Variants in PCDHGB2 observed in about 807,000 individuals in gnomAD.
PCDHGB2 encodes protocadherin gamma subfamily B, 2.
PCDHGB2 carries 55 observed loss-of-function variants against 59.3 expected under a neutral mutation model. That is an observed-to-expected ratio of 0.93 (90% confidence interval 0.75 to 1.16). PCDHGB2 has a LOEUF of 1.16. Ranked by LOEUF, PCDHGB2 falls within the 50% of genes most tolerant of loss-of-function variation. The pLI is 0.00. For synonymous variants in PCDHGB2, 516 were observed against 512.0 expected (o/e 1.01, Z -0.11); for missense variants, 1,228 against 1,198.5 (o/e 1.02, Z -0.36).
chr5:141,491,646 G>T lies in PCDHGB2; in HGVS notation c.2422-3161G>T. On this transcript the variant is annotated intron_variant, in intron 1 of 3. Transcript: ENST00000522605. The surrounding 1 kb of genome is among the most constrained non-coding windows in gnomAD (Gnocchi z 6.9). ...GCGTTCAGCAGCCCACAGCTCTGGC[G>T]CTGGAGCCTGACGCCATCCGGTCCC... is the stretch of plus-strand genomic sequence containing the variant. 1 of 1,613,872 alleles carries T rather than the reference G, an allele frequency of 6.2e-7. No individual in the cohort carries two copies. The highest frequency in any genetic ancestry group is 8.5e-7 in the Non-Finnish European group (1 of 1,180,030).
rs770619389 is a variant in PCDHGB2 at position 141,490,764 on chromosome 5, T to C, written c.2422-4043T>C. On this transcript the variant is annotated intron_variant, in intron 1 of 3. Coordinates refer to ENST00000522605, the MANE Select transcript of PCDHGB2 (RefSeq NM_018923.3). The surrounding 1 kb of genome is among the most constrained non-coding windows in gnomAD (Gnocchi z 5.4). ...GAGCCCCAGCCTCCTCCTTTGTGTA[T>C]GTCAACCCAGAGGATGGACGGATCT... is the stretch of plus-strand genomic sequence containing the variant. 22 of 1,613,970 alleles carry C rather than the reference T, an allele frequency of 1.4e-5. No individual in the cohort carries two copies. Among genetic ancestry groups the C allele is most frequent in the Non-Finnish European group, 1.6e-5 (19 of 1,179,928 alleles).
In PCDHGB2 at chr5:141,454,516, C is replaced by T. The variant is rs375583922; in HGVS notation, c.2422-40291C>T. On this transcript the variant is annotated intron_variant, in intron 1 of 3. Coordinates refer to ENST00000522605, the MANE Select transcript of PCDHGB2 (RefSeq NM_018923.3). Reference sequence around the variant, plus strand: ...CCACCTCCTGGATTCAGGCAGTTCTCCTGCCTCAGCCTCCCAAGTAGCTGA... The same window carrying T: ...CCACCTCCTGGATTCAGGCAGTTCTTCTGCCTCAGCCTCCCAAGTAGCTGA... Among the ~76,000 whole-genome samples the T allele has an allele frequency of 1.2e-4, 18 of 152,288 alleles. No individual in the cohort carries two copies. In the East Asian group the frequency reaches 3.1e-3, roughly 26 times the overall value.
intron 1 of PCDHGB2, chr5:141,389,882 G>A: frequency 6.2e-7 from 1 of 1,614,082 alleles, no homozygotes; most frequent in Non-Finnish European, 8.5e-7. Flanking sequence ...CCGACAGCTT[G>A]CAGGAGGTGC....
At chr5:141,364,497 C>T (rs768698440) in intron 1 of PCDHGB2, 1 of 1,614,016 alleles carries the variant, frequency 6.2e-7, no homozygotes. Flanking sequence ...GGGCTGGAGC[C>T]CCAGGAGCTG....
At position 141,404,170 on chromosome 5, in the gene PCDHGB2, G is replaced by C. The variant is rs73279089; in HGVS notation, c.2421+41614G>C. Reference sequence around the variant, plus strand: ...AAGAAGATTATTACAGATTGTTGACGGCCCAAATTCTTGACCGAGAAAAAG... The same window carrying C: ...AAGAAGATTATTACAGATTGTTGACCGCCCAAATTCTTGACCGAGAAAAAG... On this transcript the variant is annotated intron_variant, in intron 1 of 3. Coordinates refer to ENST00000522605, the MANE Select transcript of PCDHGB2 (RefSeq NM_018923.3). The C allele has an allele frequency of 1.5e-3, 2,365 of 1,612,738 alleles. 32 individuals are homozygous for C. In the African/African-American group the frequency reaches 0.028, roughly 19 times the overall value.
rs779287151 is a variant in PCDHGB2, at chr5:141,384,468, G to A, written c.2421+21912G>A. 8.7e-6 allele frequency: 14 copies of A among 1,613,988 alleles called. No homozygotes were observed. The Admixed American group carries it at 2.0e-4, about 23-fold the overall frequency. On this transcript the variant is annotated intron_variant, in intron 1 of 3. Coordinates refer to ENST00000522605, the MANE Select transcript of PCDHGB2 (RefSeq NM_018923.3). ...ACGCGCTGCAATCCTTTGATTATGA[G>A]CAGTTGAGAGAACTACAACTAAGAG...
At chr5:141,473,212 C>G (rs1311953997) in intron 1 of PCDHGB2, among the ~76,000 whole-genome samples, 1 of 152,012 alleles carries the variant, frequency 6.6e-6, no homozygotes, top group Non-Finnish European at 1.5e-5. Flanking sequence ...AAAATGCTTA[C>G]TTCCAGGGAG....
At chr5:141,411,951 G>A (rs1589812278) in intron 1 of PCDHGB2, 1 of 152,252 alleles carries the variant, frequency 6.6e-6, no homozygotes, top group African/African-American at 2.4e-5. Context: ...GATTTTTGAA[G>A]AAAAAAGATA....
At chr5:141,390,462 A>C in intron 1 of PCDHGB2, 1 of 732,308 alleles carries the variant, frequency 1.4e-6, no homozygotes, top group South Asian at 2.0e-5. Context: ...AAGTAGGAGC[A>C]ATTGTGTGGC....
At chr5:141,422,171 T>C (rs1204753893) in intron 1 of PCDHGB2, 4 of 1,564,922 alleles carry the variant, frequency 2.6e-6, no homozygotes, top group Non-Finnish European at 3.4e-6. Context: ...AAATATAGAT[T>C]CTATGAGATG....
chr5:141,465,519 T>C (rs2099104752), intron 1 of PCDHGB2, among the ~76,000 whole-genome samples: 1 of 152,224 alleles, frequency 6.6e-6, no homozygotes, highest in East Asian at 1.9e-4. Context: ...GGAAGGATTC[T>C]GGGGAAGTTT....
intron 1 of PCDHGB2, among the ~76,000 whole-genome samples, chr5:141,462,125 A>AT (rs1561991410): frequency 6.6e-6 from 1 of 151,688 alleles, no homozygotes; most frequent in African/African-American, 2.4e-5. Context: ...ACCCAGTCCA[A>AT]TTTTTTGTAT....
Position 141,489,510 on chromosome 5 carries a change from T to A in PCDHGB2, c.2422-5297T>A, listed in dbSNP as rs762210983. 1 of 1,614,124 alleles carries A rather than the reference T, an allele frequency of 6.2e-7. No individual in the cohort carries two copies. The highest frequency in any genetic ancestry group is 1.7e-5 in the Admixed American group (1 of 60,022). On this transcript the variant is annotated intron_variant, in intron 1 of 3. Transcript: ENST00000522605. This position sits in a 1 kb window ranked among gnomAD's most constrained non-coding sequence, Gnocchi z 4.5. Reference sequence around the variant, plus strand: ...GTGCCCTGGCAGTGAATCAAAAGATTGACCGAGAAAGCCTATGTGGAGCCA... The same window carrying A: ...GTGCCCTGGCAGTGAATCAAAAGATAGACCGAGAAAGCCTATGTGGAGCCA...
Position 141,486,639 on chromosome 5 carries a change from T to G in PCDHGB2, c.2422-8168T>G, listed in dbSNP as rs1250700423. ...GACCCAGACTCTGGCTTGAATGCGC[T>G]TATCTCCTACTCACTCCTGGAGCCC... On this transcript the variant is annotated intron_variant, in intron 1 of 3. Transcript: ENST00000522605. The surrounding 1 kb of genome is among the most constrained non-coding windows in gnomAD (Gnocchi z 5.0). The G allele has an allele frequency of 6.2e-7, 1 of 1,613,818 alleles. No individual in the cohort carries two copies. The highest frequency in any genetic ancestry group is 1.1e-5 in the South Asian group (1 of 91,084).
At chr5:141,427,869 AC>A in intron 1 of PCDHGB2, 1 of 1,559,604 alleles carries the variant, frequency 6.4e-7, no homozygotes, top group Non-Finnish European at 8.8e-7. Context: ...CTTCGAGCTC[AC>A]GATGCAGGCC....
chr5:141,466,819 C>A (rs2099130454), intron 1 of PCDHGB2, among the ~76,000 whole-genome samples: 1 of 152,068 alleles, frequency 6.6e-6, no homozygotes, highest in Non-Finnish European at 1.5e-5. Context: ...CATGGTATAA[C>A]AAGTTAGTAT....
At chr5:141,388,568 ACACG>A in intron 1 of PCDHGB2, 1 of 1,613,888 alleles carries the variant, frequency 6.2e-7, no homozygotes, top group Non-Finnish European at 8.5e-7. Context: ...CTGCACAGAT[ACACG>A]TTCTAGTGAC....
intron 1 of PCDHGB2, among the ~76,000 whole-genome samples, chr5:141,425,048 T>C (rs1590618422): frequency 6.6e-6 from 1 of 152,350 alleles, no homozygotes; most frequent in African/African-American, 2.4e-5. Flanking sequence ...AAACTGACTA[T>C]CTAGGGCTCG....
At chr5:141,446,942 G>C (rs1252429052) in intron 1 of PCDHGB2, among the ~76,000 whole-genome samples, 1 of 152,058 alleles carries the variant, frequency 6.6e-6, no homozygotes, top group Non-Finnish European at 1.5e-5. Flanking sequence ...TTCACTGTAA[G>C]AAACATCCAG....
Sources: gnomAD v4.1 joint callset for allele counts (sites outside exome capture counted in the v4.1 genomes callset) on GRCh38, gnomAD v4.1.1 for gene constraint, Gnocchi (gnomAD v3.1) non-coding constraint, MANE v1.5 for transcripts, NCBI Gene and HGNC (gene_info 2026-07-23, HGNC 2026-07-21) for gene names.